Variants in KLHL11 observed in about 807,000 individuals in gnomAD.
KLHL11 encodes the protein kelch-like protein 11.
A neutral mutation model predicts 56.1 loss-of-function variants in KLHL11; 26 were observed. The observed-to-expected ratio is 0.46, with a 90% CI of 0.34 to 0.64. The LOEUF (loss-of-function observed/expected upper bound fraction) is 0.64. KLHL11 is among the 30% of genes least tolerant of loss of function. The pLI, the probability that KLHL11 is intolerant of heterozygous loss-of-function variation, is 0.01. For synonymous variants in KLHL11, 338 were observed against 345.8 expected, an observed-to-expected ratio of 0.98 and a Z score of 0.25; for missense variants, 627 against 919.4, an observed-to-expected ratio of 0.68 and a Z score of 4.11.
At chr17:41,860,127 G>A (rs537810361) in intron 1 of KLHL11, among the ~76,000 whole-genome samples, 4 of 152,128 alleles carry the variant, frequency 2.6e-5, no homozygotes, top group Non-Finnish European at 5.9e-5. Flanking sequence ...AAGTAGAGTG[G>A]TATGGGATAT....
Position 41,853,551 on chromosome 17 carries a change from G to C in KLHL11, c.*189C>G. The C allele has an allele frequency of 3.5e-6, 2 of 577,882 alleles. No homozygotes were observed. The highest frequency in any genetic ancestry group is 5.5e-6 in the Non-Finnish European group (2 of 361,622). 35.8% of individuals were successfully genotyped at this position (577,882 alleles called of 1,614,324 possible). A position where few individuals can be genotyped will look rare whatever the true frequency, so the allele number is the denominator to read the frequency against. On this transcript the variant is annotated 3_prime_UTR_variant, in exon 2 of 2. Coordinates refer to ENST00000319121, the MANE Select transcript of KLHL11 (RefSeq NM_018143.3). Reference sequence around the variant, plus strand: ...AACAAACCAAAGACAAAAATTGCAAGCTAACAAAATGACCATGTATTGAAC... The same window carrying C: ...AACAAACCAAAGACAAAAATTGCAACCTAACAAAATGACCATGTATTGAAC...
In KLHL11 at chr17:41,864,905, C is replaced by A. The variant is rs2048428030; in HGVS notation, c.466G>T (p.Ala156Ser). ...EPGPEPDTVEAVIEYMYTGRI... is the reference protein window; with the variant it reads ...EPGPEPDTVESVIEYMYTGRI... ...CCGGTGTACATGTACTCGATTACGGCTTCCACTGTGTCGGGTTCGGGCCCC... is the reference window on the plus strand; with the variant it reads ...CCGGTGTACATGTACTCGATTACGGATTCCACTGTGTCGGGTTCGGGCCCC... Residue 156 changes from alanine (A) to serine (S), a missense_variant, in exon 1 of 2, where the codon GCC becomes TCC. Coordinates refer to ENST00000319121, the MANE Select transcript of KLHL11 (RefSeq NM_018143.3). 2 of 1,609,714 alleles carry A rather than the reference C, an allele frequency of 1.2e-6. No homozygotes were observed. Among genetic ancestry groups the A allele is most frequent in the African/African-American group, 1.3e-5 (1 of 74,690 alleles).
rs781822609 is a variant in KLHL11, at chr17:41,865,075, C to G, written c.296G>C (p.Cys99Ser). 1 of 1,598,050 alleles carries G rather than the reference C, an allele frequency of 6.3e-7. No individual in the cohort carries two copies. The highest frequency in any genetic ancestry group is 1.3e-5 in the African/African-American group (1 of 74,346). Residue 99 changes from cysteine to serine, a missense_variant, in exon 1 of 2, where the codon TGC becomes TCC. Around this residue, in one of 4 missense-constraint regions of KLHL11, gnomAD observed 150 missense variants for 215.7 expected, o/e 0.70. Transcript: ENST00000319121. ...CTCGCGGCCTCCAGCCCCGCCGAAG[C>G]ACAGGGTAATGTCGCAGAAGAGGCC... ...RQGLFCDITL[C>S]FGGAGGREFR...
intron 1 of KLHL11, among the ~76,000 whole-genome samples, chr17:41,856,730 C>T (rs1203851567): frequency 2.0e-5 from 3 of 150,222 alleles, no homozygotes; most frequent in Non-Finnish European, 4.4e-5. Context: ...AAAAAAAAGG[C>T]ACATGGCTGG....
rs782143717 is a variant in KLHL11, at chr17:41,853,733, A to C, written c.*7T>G. 5.0e-6 allele frequency: 8 copies of C among 1,600,594 alleles called. No individual in the cohort carries two copies. The highest frequency in any genetic ancestry group is 6.8e-6 in the Non-Finnish European group (8 of 1,170,702). On this transcript the variant is annotated 3_prime_UTR_variant, in exon 2 of 2. Transcript: ENST00000319121. Reference sequence around the variant, plus strand: ...GTAACAGTTTTAATCGGCACGCTTGAGAGAACCTAGCATTCAATCTGAGAG... The same window carrying C: ...GTAACAGTTTTAATCGGCACGCTTGCGAGAACCTAGCATTCAATCTGAGAG...
In KLHL11 at chr17:41,854,097, T is replaced by C. The variant is rs1012422821; in HGVS notation, c.1770A>G (p.Glu590=). Residue 590 remains glutamate, a synonymous_variant, in exon 2 of 2, where the codon GAA becomes GAG. Coordinates refer to ENST00000319121, the MANE Select transcript of KLHL11 (RefSeq NM_018143.3). The surrounding 1 kb of genome is among the most constrained non-coding windows in gnomAD (Gnocchi z 4.9). ...TGCTTAGGACTTCTGGAGGCAAGCTTTCAAGGATCTCATCAGACACTTGGC... is the reference window on the plus strand; with the variant it reads ...TGCTTAGGACTTCTGGAGGCAAGCTCTCAAGGATCTCATCAGACACTTGGC... ...IASQVSDEIL[E]SLPPEVLSIE... is the part of the protein sequence containing the mutation. 7 of 1,614,068 alleles carry C rather than the reference T, an allele frequency of 4.3e-6. No homozygotes were observed. The African/African-American group carries it at 9.3e-5, about 22-fold the overall frequency.
chr17:41,851,992 T>C lies in KLHL11; in HGVS notation c.*1748A>G, dbSNP rs2048334681. ...GACATAAGATAATTCGAATAACGTATAAAACTAAATAAAAGATAGCTTCAG... is the reference window on the plus strand; with the variant it reads ...GACATAAGATAATTCGAATAACGTACAAAACTAAATAAAAGATAGCTTCAG... On this transcript the variant is annotated 3_prime_UTR_variant, in exon 2 of 2. Transcript: ENST00000319121. Among the ~76,000 whole-genome samples, 1 of 152,066 alleles carries C rather than the reference T, an allele frequency of 6.6e-6. No individual in the cohort carries two copies.
chr17:41,858,451 A>T, intron 1 of KLHL11, among the ~76,000 whole-genome samples: 1 of 134,200 alleles, frequency 7.5e-6, no homozygotes, highest in African/African-American at 2.8e-5. Context: ...TTTCTCCCCG[A>T]GATGGAGTTT....
At chr17:41,862,684 G>A (rs1201951680) in intron 1 of KLHL11, among the ~76,000 whole-genome samples, 1 of 152,124 alleles carries the variant, frequency 6.6e-6, no homozygotes, top group Non-Finnish European at 1.5e-5. Flanking sequence ...ACAGGCGTGA[G>A]CCACTTCGCC....
At position 41,852,495 on chromosome 17, in the gene KLHL11, A is replaced by G. The variant is rs1252326578; in HGVS notation, c.*1245T>C. Among the ~76,000 whole-genome samples the G allele has an allele frequency of 2.0e-5, 3 of 152,010 alleles. No individual in the cohort carries two copies. Among genetic ancestry groups the G allele is most frequent in the Non-Finnish European group, 4.4e-5 (3 of 67,988 alleles). ...ATTTTGGAAAAAAACAGTTTCTTGT[A>G]GAAAAGAATAATGGACTGGGCACGG... On this transcript the variant is annotated 3_prime_UTR_variant, in exon 2 of 2. Coordinates refer to ENST00000319121, the MANE Select transcript of KLHL11 (RefSeq NM_018143.3).
rs1555622762 is a variant in KLHL11, at chr17:41,858,408, T to TTTTG, written c.546-3088_546-3087insCAAA. 2.1e-5 allele frequency among the ~76,000 whole-genome samples: 3 copies of TTTTG among 144,048 alleles called. No homozygotes were observed. In the South Asian group the frequency reaches 6.7e-4, roughly 32 times the overall value. 94.5% of individuals were successfully genotyped at this position (144,048 alleles called of 152,430 possible). ...AACCCAGATATATATATATATATTT[T>TTTTG]TTGTTGTTGTTGTTGTTGTTGTTGT... On this transcript the variant is annotated intron_variant, in intron 1 of 1. Coordinates refer to ENST00000319121, the MANE Select transcript of KLHL11 (RefSeq NM_018143.3).
intron 1 of KLHL11, among the ~76,000 whole-genome samples, chr17:41,863,726 A>T (rs1165850861): frequency 1.3e-5 from 2 of 152,084 alleles, no homozygotes; most frequent in Non-Finnish European, 2.9e-5. Flanking sequence ...CTAACATACA[A>T]GCTCCACCTC....
chr17:41,858,402 A>ATTT (rs1252002377), intron 1 of KLHL11, among the ~76,000 whole-genome samples: 3 of 77,250 alleles, frequency 3.9e-5, no homozygotes, highest in African/African-American at 1.4e-4. Flanking sequence ...ATATATATAT[A>ATTT]TATTTTTTGT....
chr17:41,854,160 A>G lies in KLHL11; in HGVS notation c.1707T>C (p.Tyr569=). 2.5e-6 allele frequency: 4 copies of G among 1,614,198 alleles called. No individual in the cohort carries two copies. The highest frequency in any genetic ancestry group is 3.3e-4 in the Middle Eastern group (2 of 6,062). The change falls in exon 2 of 2, where the codon TAT becomes TAC. Residue 569 remains tyrosine, a synonymous_variant. Transcript: ENST00000319121. The surrounding 1 kb of genome is among the most constrained non-coding windows in gnomAD (Gnocchi z 4.9). The part of the protein sequence containing the change: ...YQTASCCPKS[Y]CLENEEAVRK... ...TTACTGCCTCTTCGTTTTCTAAACA[A>G]TAACTCTTGGGACAACATGATGCTG...
At position 41,865,147 on chromosome 17, in the gene KLHL11, G is replaced by A; in HGVS notation, c.224C>T (p.Ser75Phe). The change falls in exon 1 of 2, where the codon TCT becomes TTT. Residue 75 changes from serine (S) to phenylalanine (F), a missense_variant. Ser to Phe is a radical substitution (Grantham distance 155). This residue lies in a region of KLHL11 where 121 missense variants were observed against 116.2 expected (regional missense o/e 1.04). Transcript: ENST00000319121. ...CCGCCAGGACAGCTCTGAGCAGTGA[G>A]AGCTGCACTCGAAATCCTCGGCTTC... ...GPEAEDFECS[S>F]HCSELSWRQN... 3.7e-6 allele frequency: 6 copies of A among 1,610,098 alleles called. No individual in the cohort carries two copies. The highest frequency in any genetic ancestry group is 5.1e-6 in the Non-Finnish European group (6 of 1,178,988).
In KLHL11 at chr17:41,853,857, C is replaced by G. The variant is rs1555622206; in HGVS notation, c.2010G>C (p.Gln670His). Reference sequence around the variant, plus strand: ...TCAGGTTTTGAGGCATAGGGTATCTCTGTGTGCCATGCAAGTACCGGTATG... The same window carrying G: ...TCAGGTTTTGAGGCATAGGGTATCTGTGTGTGCCATGCAAGTACCGGTATG... ...RIPYRYLHGT[Q>H]RYPMPQNLMW... Residue 670 changes from glutamine to histidine, a missense_variant, in exon 2 of 2, where the codon CAG (glutamine) becomes CAC (histidine). Transcript: ENST00000319121. 1.9e-6 allele frequency: 3 copies of G among 1,614,172 alleles called. No homozygotes were observed. The highest frequency in any genetic ancestry group is 8.5e-7 in the Non-Finnish European group (1 of 1,180,038).
rs181206453 is a variant in KLHL11 at position 41,857,965 on chromosome 17, C to T, written c.546-2644G>A. Among the ~76,000 whole-genome samples, 60 of 151,892 alleles carry T rather than the reference C, an allele frequency of 4.0e-4. No individual in the cohort carries two copies. In the East Asian group the frequency reaches 6.2e-3, roughly 16 times the overall value. ...CCGAGTAGCTGGGATTACAGGCGCG[C>T]GCCACCACATCTGGCTAATTTGTTG... On this transcript the variant is annotated intron_variant, in intron 1 of 1. Transcript: ENST00000319121.
rs2048326033 is a variant in KLHL11 at position 41,850,340 on chromosome 17, C to T, written c.*3400G>A. 6.6e-6 allele frequency: 1 copy of T among 152,110 alleles called. No individual in the cohort carries two copies. Among genetic ancestry groups the T allele is most frequent in the East Asian group, 1.9e-4 (1 of 5,200 alleles). 9.4% of individuals were successfully genotyped at this position (152,110 alleles called of 1,614,324 possible). Reference sequence around the variant, plus strand: ...CTTACCCCTTCTTTTCAGCCATGGCCTAGGCTGCCTGCTAAGTTAAAAAAC... The same window carrying T: ...CTTACCCCTTCTTTTCAGCCATGGCTTAGGCTGCCTGCTAAGTTAAAAAAC... On this transcript the variant is annotated 3_prime_UTR_variant, in exon 2 of 2. Coordinates refer to ENST00000319121, the MANE Select transcript of KLHL11 (RefSeq NM_018143.3).
Position 41,854,221 on chromosome 17 carries a change from A to C in KLHL11, c.1646T>G (p.Phe549Cys). 1 of 1,614,224 alleles carries C rather than the reference A, an allele frequency of 6.2e-7. No individual in the cohort carries two copies. ...SLPLIDNYCFFQMSVVNSNFY... is the reference protein window; with the variant it reads ...SLPLIDNYCFCQMSVVNSNFY... ...GTTTGAATTGACCACAGACATTTGGAAAAAGCAGTAATTGTCAATAAGCGG... is the reference window on the plus strand; with the variant it reads ...GTTTGAATTGACCACAGACATTTGGCAAAAGCAGTAATTGTCAATAAGCGG... Residue 549 changes from phenylalanine to cysteine, a missense_variant, in exon 2 of 2, where the codon TTC (phenylalanine) becomes TGC (cysteine). Coordinates refer to ENST00000319121, the MANE Select transcript of KLHL11 (RefSeq NM_018143.3). The surrounding 1 kb of genome is among the most constrained non-coding windows in gnomAD (Gnocchi z 4.9).
Sources: gnomAD v4.1 joint callset for allele counts (sites outside exome capture counted in the v4.1 genomes callset) on GRCh38, gnomAD v4.1.1 for gene constraint, gnomAD v4.1.1 regional missense constraint, Gnocchi (gnomAD v3.1) non-coding constraint, MANE v1.5 for transcripts, NCBI Gene and HGNC (gene_info 2026-07-23, HGNC 2026-07-21) for gene names.